The following GALNT17 variants were observed in gnomAD, a reference collection of about 807,000 sequenced individuals.
The protein encoded by GALNT17 is polypeptide N-acetylgalactosaminyltransferase 17.
In GALNT17, 29 loss-of-function variants were observed where a neutral mutation model predicts 63.7. That is an observed-to-expected ratio of 0.46 (90% CI 0.34 to 0.62). The LOEUF (loss-of-function observed/expected upper bound fraction) is 0.62. GALNT17 is among the 20% of genes least tolerant of loss of function. GALNT17 has a pLI of 0.01. For synonymous variants in GALNT17, 305 were observed against 318.3 expected, an observed-to-expected ratio of 0.96 and a Z score of 0.45; for missense variants, 603 against 799.6, an observed-to-expected ratio of 0.75 and a Z score of 2.97.
chr7:71,156,053 A>C (rs1788228998), intron 1 of GALNT17, among the ~76,000 whole-genome samples: 1 of 151,854 alleles, frequency 6.6e-6, no homozygotes, highest in East Asian at 1.9e-4. Flanking sequence ...AAAATTAGCC[A>C]GGCGTGGTGG....
intron 5 of GALNT17, among the ~76,000 whole-genome samples, chr7:71,545,926 CA>C (rs1788975995): frequency 6.6e-6 from 1 of 152,116 alleles, no homozygotes; most frequent in Non-Finnish European, 1.5e-5. Flanking sequence ...TGTGCATGTA[CA>C]TTTCTAGGCT....
chr7:71,406,807 A>G (rs1373800915), intron 3 of GALNT17, among the ~76,000 whole-genome samples: 1 of 150,528 alleles, frequency 6.6e-6, no homozygotes, highest in Non-Finnish European at 1.5e-5. Flanking sequence ...ATCACCGCTC[A>G]CTGCAACCTC....
intron 1 of GALNT17, among the ~76,000 whole-genome samples, chr7:71,188,010 A>G (rs553046153): frequency 6.6e-6 from 1 of 152,320 alleles, no homozygotes; most frequent in Non-Finnish European, 1.5e-5. Context: ...TTCACTTAGA[A>G]TAATATTATA....
chr7:71,471,929 ATT>A (rs11300315), intron 5 of GALNT17, among the ~76,000 whole-genome samples: 48 of 137,498 alleles, frequency 3.5e-4, no homozygotes, highest in African/African-American at 9.7e-4. Context: ...TCTGTGTCTC[ATT>A]TTTTTTTTTT....
intron 1 of GALNT17, among the ~76,000 whole-genome samples, chr7:71,182,968 G>A (rs1788760617): frequency 6.6e-6 from 1 of 152,146 alleles, no homozygotes; most frequent in South Asian, 2.1e-4. Context: ...GGATGCAGAG[G>A]GCAATTGTTT....
At chr7:71,187,950 C>G (rs898064494) in intron 1 of GALNT17, among the ~76,000 whole-genome samples, 1 of 152,162 alleles carries the variant, frequency 6.6e-6, no homozygotes, top group Non-Finnish European at 1.5e-5. Context: ...GCTTAGCTCC[C>G]ACATATGCGT....
chr7:71,540,336 C>T lies in GALNT17; in HGVS notation c.963-30949C>T, dbSNP rs369893614. Among the ~76,000 whole-genome samples the T allele has an allele frequency of 3.9e-4, 58 of 150,282 alleles. No homozygotes were observed. In the South Asian group the frequency reaches 8.5e-3, roughly 22 times the overall value. ...TTCACTATGTTGGCCAGGCTGGTCT[C>T]GAACTCCTGACCTCAAGTGATCCAC... On this transcript the variant is annotated intron_variant, in intron 5 of 10. Transcript: ENST00000333538.
At chr7:71,199,196 A>G (rs559139323) in intron 1 of GALNT17, among the ~76,000 whole-genome samples, 1 of 152,324 alleles carries the variant, frequency 6.6e-6, no homozygotes, top group Non-Finnish European at 1.5e-5. Flanking sequence ...AGCTGAATTT[A>G]CAAGGCAAGG....
At chr7:71,133,558 G>A (rs1193780097) in intron 1 of GALNT17, among the ~76,000 whole-genome samples, 1 of 152,136 alleles carries the variant, frequency 6.6e-6, no homozygotes, top group Non-Finnish European at 1.5e-5. Context: ...TGTCTATGAG[G>A]CGAGCTGCTC....
chr7:71,602,552 A>C (rs1789981450), intron 6 of GALNT17, among the ~76,000 whole-genome samples: 1 of 152,172 alleles, frequency 6.6e-6, no homozygotes, highest in Non-Finnish European at 1.5e-5. Context: ...ACTGTCTCTA[A>C]GATTGTTCTT....
intron 1 of GALNT17, among the ~76,000 whole-genome samples, chr7:71,135,709 G>T (rs1319693754): frequency 6.6e-6 from 1 of 152,194 alleles, no homozygotes; most frequent in Non-Finnish European, 1.5e-5. Flanking sequence ...CTGCCCAACA[G>T]TCTGCTGCCT....
intron 2 of GALNT17, among the ~76,000 whole-genome samples, chr7:71,382,056 A>G (rs1792855922): frequency 6.6e-6 from 1 of 152,062 alleles, no homozygotes; most frequent in South Asian, 2.1e-4. Context: ...GACGAACTTG[A>G]AACCAGGGAA....
intron 1 of GALNT17, among the ~76,000 whole-genome samples, chr7:71,245,970 A>G (rs180865234): frequency 9.3e-5 from 14 of 151,290 alleles, no homozygotes; most frequent in Non-Finnish European, 1.3e-4. Context: ...AGCCATTTGG[A>G]AGTACATACT....
chr7:71,471,414 A>C (rs1398441944), intron 5 of GALNT17, among the ~76,000 whole-genome samples: 1 of 147,882 alleles, frequency 6.8e-6, no homozygotes, highest in Non-Finnish European at 1.5e-5. Context: ...AAAAAAAAAA[A>C]CAAAAAAAAC....
intron 1 of GALNT17, among the ~76,000 whole-genome samples, chr7:71,256,531 C>T (rs1023679716): frequency 2.0e-5 from 3 of 152,088 alleles, no homozygotes; most frequent in African/African-American, 7.2e-5. Flanking sequence ...TGGATGGCAC[C>T]ACTGCACTCC....
intron 1 of GALNT17, among the ~76,000 whole-genome samples, chr7:71,208,105 T>A (rs1411413226): frequency 2.0e-5 from 3 of 151,890 alleles, no homozygotes; most frequent in Non-Finnish European, 2.9e-5. Flanking sequence ...ACTGGCTGAT[T>A]TTTGTATTTT....
At chr7:71,388,127 T>C (rs1792980420) in intron 2 of GALNT17, 108 bp from the exon 3 acceptor site, 5 of 1,225,504 alleles carry the variant, frequency 4.1e-6, no homozygotes, top group Middle Eastern at 2.1e-4. Flanking sequence ...ATTCACGCCT[T>C]GGGACGACTG....
At chr7:71,366,212 C>G (rs1261765658) in intron 2 of GALNT17, among the ~76,000 whole-genome samples, 9 of 152,060 alleles carry the variant, frequency 5.9e-5, no homozygotes, top group Non-Finnish European at 1.3e-4. Context: ...GCTGTGTGAC[C>G]TGGATTCTAA....
rs1450144731 is a variant in GALNT17, at chr7:71,673,985, C to T, written c.1405-3226C>T. 5.3e-5 allele frequency among the ~76,000 whole-genome samples: 8 copies of T among 152,356 alleles called. 1 individual carries two copies. Among genetic ancestry groups the T allele is most frequent in the Middle Eastern group, 6.8e-3 (2 of 294 alleles). On this transcript the variant is annotated intron_variant, in intron 8 of 10. Transcript: ENST00000333538. ...GCACAACTCCAGGAGCTGCCTTTGA[C>T]ATCAACCACAGTATAAATGATGTCC...
Sources: allele counts gnomAD v4.1 joint callset (sites outside exome capture counted in the v4.1 genomes callset), GRCh38; gene constraint gnomAD v4.1.1; transcripts MANE v1.5; gene names NCBI Gene and HGNC (gene_info 2026-07-23, HGNC 2026-07-21).